Variants in PDE1A observed in about 807,000 individuals in gnomAD.
The protein encoded by PDE1A is phosphodiesterase 1A.
A neutral mutation model predicts 61.7 loss-of-function variants in PDE1A; 35 were observed. That is an observed-to-expected ratio of 0.57 (90% CI 0.43 to 0.75). The LOEUF is 0.75. Ranked by LOEUF, PDE1A falls within the 30% of genes least tolerant of loss-of-function variation. The pLI is 0.00. For missense variants in PDE1A, 597 were observed against 630.6 expected, an observed-to-expected ratio of 0.95 and a Z score of 0.57; for synonymous variants, 232 against 213.2, an observed-to-expected ratio of 1.09 and a Z score of -0.77.
chr2:182,596,745 C>A, the PDE1A span, among the ~76,000 whole-genome samples: 1 of 151,022 alleles, frequency 6.6e-6, no homozygotes, highest in Non-Finnish European at 1.5e-5. Flanking sequence ...TGGGCAAGGA[C>A]AAAGAGAGTA....
At chr2:182,245,953 C>T (rs1690914727) in intron 2 of PDE1A, among the ~76,000 whole-genome samples, 1 of 152,210 alleles carries the variant, frequency 6.6e-6, no homozygotes, top group Non-Finnish European at 1.5e-5. Flanking sequence ...GAGCCAGAGG[C>T]CAAGCTGCCA....
intron 1 of PDE1A, among the ~76,000 whole-genome samples, chr2:182,299,977 T>C (rs77253639): frequency 6.6e-5 from 10 of 152,300 alleles, no homozygotes; most frequent in African/African-American, 1.7e-4. Flanking sequence ...CTCAGACAGA[T>C]AGTGGGAGAT....
intron 2 of PDE1A, among the ~76,000 whole-genome samples, chr2:182,444,741 C>G (rs968688033): frequency 1.3e-5 from 2 of 151,844 alleles, no homozygotes; most frequent in Admixed American, 1.3e-4. Flanking sequence ...ATATCATTAT[C>G]TACTAAAAAA....
intron 2 of PDE1A, among the ~76,000 whole-genome samples, chr2:182,483,970 T>C (rs1042501811): frequency 5.3e-5 from 8 of 150,222 alleles, no homozygotes; most frequent in African/African-American, 2.0e-4. Flanking sequence ...TATAAGAGAA[T>C]ATTTTGAACA....
In PDE1A at chr2:182,495,954, G is replaced by T. The variant is rs1688687079; in HGVS notation, c.101+26322C>A. On this transcript the variant is annotated intron_variant, in intron 2 of 14. Coordinates refer to the PDE1A transcript ENST00000410103. ...GGCAAAGGCAATATTACTTTACAAG[G>T]CTTGTATGGAGATTTAGTGGGATAA... Among the ~76,000 whole-genome samples the T allele has an allele frequency of 2.0e-5, 3 of 152,196 alleles. No individual in the cohort carries two copies. The South Asian group carries it at 6.2e-4, about 32-fold the overall frequency.
the PDE1A span, among the ~76,000 whole-genome samples, chr2:182,560,635 C>T: frequency 6.6e-6 from 1 of 152,168 alleles, no homozygotes; most frequent in African/African-American, 2.4e-5. Flanking sequence ...TGAGGAATCA[C>T]CACACTGACT....
chr2:182,354,316 A>G (rs897874678), intron 1 of PDE1A, among the ~76,000 whole-genome samples: 2 of 152,162 alleles, frequency 1.3e-5, no homozygotes, highest in African/African-American at 2.4e-5. Flanking sequence ...TTCCACCACT[A>G]TAGAATCTAC....
intron 1 of PDE1A, among the ~76,000 whole-genome samples, chr2:182,380,718 G>A (rs1046799226): frequency 3.9e-5 from 6 of 152,022 alleles, no homozygotes; most frequent in African/African-American, 1.4e-4. Context: ...TCAACTTTAG[G>A]ATAGTTATAA....
At chr2:182,680,395 C>A in the PDE1A span, among the ~76,000 whole-genome samples, 1 of 151,742 alleles carries the variant, frequency 6.6e-6, no homozygotes, top group Non-Finnish European at 1.5e-5. Flanking sequence ...TTTTTTTGTA[C>A]AGAATTTACA....
chr2:182,324,205 G>C (rs1174436032), intron 1 of PDE1A, among the ~76,000 whole-genome samples: 1 of 151,968 alleles, frequency 6.6e-6, no homozygotes, highest in Non-Finnish European at 1.5e-5. Flanking sequence ...TTTCGTTGAG[G>C]AGGGGATAAT....
At chr2:182,534,047 A>C in the PDE1A span, among the ~76,000 whole-genome samples, 107,183 of 151,856 alleles carry the variant, frequency 0.71, 41,128 homozygotes, top group East Asian at 0.99. Flanking sequence ...AAAAATGCAA[A>C]GTAAAAAAAT....
chr2:182,413,005 A>T (rs1251831877), intron 1 of PDE1A, among the ~76,000 whole-genome samples: 1 of 152,208 alleles, frequency 6.6e-6, no homozygotes, highest in Admixed American at 6.5e-5. Flanking sequence ...ATGGACGAGG[A>T]CAGAGACCAG....
chr2:182,189,494 A>G, intron 10 of PDE1A, among the ~76,000 whole-genome samples: 1 of 152,248 alleles, frequency 6.6e-6, no homozygotes, highest in South Asian at 2.1e-4. Context: ...TTTCAAAATT[A>G]AAAGTATATG....
the PDE1A span, among the ~76,000 whole-genome samples, chr2:182,646,136 G>A: frequency 1.3e-5 from 2 of 152,066 alleles, no homozygotes; most frequent in Non-Finnish European, 2.9e-5. Context: ...ATATAGGTTG[G>A]ATTGGTCATG....
At chr2:182,487,600 A>G (rs549478306) in intron 2 of PDE1A, among the ~76,000 whole-genome samples, 2 of 152,178 alleles carry the variant, frequency 1.3e-5, no homozygotes, top group African/African-American at 4.8e-5. Flanking sequence ...TCTGATATCC[A>G]CTACAAAAAC....
the PDE1A span, among the ~76,000 whole-genome samples, chr2:182,581,596 T>A: frequency 6.6e-6 from 1 of 152,332 alleles, no homozygotes; most frequent in South Asian, 2.1e-4. Context: ...ATTGGTTAAC[T>A]GTCAGTCTTC....
At chr2:182,355,653 C>T (rs895307190) in intron 1 of PDE1A, among the ~76,000 whole-genome samples, 1 of 151,938 alleles carries the variant, frequency 6.6e-6, no homozygotes, top group African/African-American at 2.4e-5. Flanking sequence ...CTATTGAATT[C>T]TAATTTTCTA....
At position 182,385,629 on chromosome 2, in the gene PDE1A, GAAAGA is replaced by G. The variant is rs1248437209; in HGVS notation, c.53+40944_53+40948del. On this transcript the variant is annotated intron_variant, in intron 1 of 13. Transcript: ENST00000351439. ...CTTAGATGAAAGAAACAGAAAGAAA[GAAAGA>G]AAGAAGAAGAAAGAAAGAAAGAAAG... Among the ~76,000 whole-genome samples, 129 of 86,490 alleles carry G rather than the reference GAAAGA, an allele frequency of 1.5e-3. 5 individuals are homozygous for G. The highest frequency in any genetic ancestry group is 2.0e-3 in the Non-Finnish European group (76 of 38,630). 56.7% of individuals were successfully genotyped at this position (86,490 alleles called of 152,430 possible). A position where few individuals can be genotyped will look rare whatever the true frequency, so the allele number is the denominator to read the frequency against.
exon 1 of PDE1A, chr2:182,426,878 A>G (rs1375645078): frequency 7.8e-7 from 1 of 1,287,996 alleles, no homozygotes; most frequent in Non-Finnish European, 9.8e-7. Context: ...AAAAACCACC[A>G]AGAGTCACGT....
Sources: gnomAD v4.1 joint callset for allele counts (sites outside exome capture counted in the v4.1 genomes callset) on GRCh38, gnomAD v4.1.1 for gene constraint, MANE v1.5 for transcripts, NCBI Gene and HGNC (gene_info 2026-07-23, HGNC 2026-07-21) for gene names.